The following PCDHA3 variants were observed in gnomAD, a reference collection of about 807,000 sequenced individuals.
PCDHA3 encodes protocadherin alpha-3.
Under a neutral mutation model 62.2 loss-of-function variants are expected in PCDHA3, and 41 were observed. The ratio of observed to expected loss-of-function variants is 0.66; its 90% CI spans 0.51 to 0.86. The LOEUF is 0.86. Ranked by LOEUF, PCDHA3 falls within the 40% of genes least tolerant of loss-of-function variation. The pLI, the probability that PCDHA3 is intolerant of heterozygous loss-of-function variation, is 0.00. For synonymous variants in PCDHA3, 640 were observed against 555.4 expected (o/e 1.15, Z -2.14); for missense variants, 1,304 against 1,241.2 (o/e 1.05, Z -0.76).
intron 3 of PCDHA3, among the ~76,000 whole-genome samples, chr5:141,004,826 G>A (rs2098183640): frequency 6.6e-6 from 1 of 152,112 alleles, no homozygotes; most frequent in East Asian, 1.9e-4. Flanking sequence ...GATTAACTTA[G>A]ATAGATCAAA....
At chr5:140,967,547 A>G (rs1554229662) in intron 1 of PCDHA3, 1 of 1,613,890 alleles carries the variant, frequency 6.2e-7, no homozygotes, top group Non-Finnish European at 8.5e-7. Context: ...TGACCAGTCC[A>G]CTTATCGCGT....
At chr5:140,874,958 A>G (rs2055195313) in intron 1 of PCDHA3, among the ~76,000 whole-genome samples, 1 of 152,242 alleles carries the variant, frequency 6.6e-6, no homozygotes, top group South Asian at 2.1e-4. Flanking sequence ...TGTAAGCTAT[A>G]TAAGGGGAGG....
At chr5:140,856,568 A>T (rs1554148862) in intron 1 of PCDHA3, 2 of 1,597,928 alleles carry the variant, frequency 1.3e-6, no homozygotes, top group Middle Eastern at 3.3e-4. Flanking sequence ...ACTCAGTCCA[A>T]ATGAGTATTT....
chr5:140,990,136 A>C (rs996616541), intron 3 of PCDHA3, among the ~76,000 whole-genome samples: 1 of 152,198 alleles, frequency 6.6e-6, no homozygotes, highest in African/African-American at 2.4e-5. Context: ...GTCAGACTCA[A>C]GAGGCATAAT....
At chr5:140,988,600 T>C (rs962869761) in intron 3 of PCDHA3, among the ~76,000 whole-genome samples, 15 of 152,214 alleles carry the variant, frequency 9.9e-5, no homozygotes, top group Non-Finnish European at 1.8e-4. Context: ...AATGGTCATG[T>C]AAATAAAAGA....
chr5:140,821,982 C>A (rs2150112541), intron 1 of PCDHA3: 12 of 1,614,108 alleles, frequency 7.4e-6, no homozygotes, highest in South Asian at 3.3e-5. Flanking sequence ...CGTCCAAGGG[C>A]CGCGGGGACC....
At chr5:140,819,582 A>G (rs2150104654) in intron 1 of PCDHA3, among the ~76,000 whole-genome samples, 14 of 152,284 alleles carry the variant, frequency 9.2e-5, no homozygotes, top group African/African-American at 2.9e-4. Context: ...AAGATTTTTT[A>G]AAATGTTCTT....
At chr5:140,897,008 T>C (rs1215081415) in intron 1 of PCDHA3, among the ~76,000 whole-genome samples, 13 of 152,154 alleles carry the variant, frequency 8.5e-5, no homozygotes, top group Admixed American at 1.3e-4. Flanking sequence ...TATTTTTAAA[T>C]ATACAACTAA....
chr5:140,968,899 A>T (rs782594245), intron 1 of PCDHA3: 7 of 1,614,130 alleles, frequency 4.3e-6, no homozygotes, highest in Non-Finnish European at 5.1e-6. Flanking sequence ...TAATAATAGC[A>T]TTAAGCACAG....
intron 1 of PCDHA3, chr5:140,875,861 C>T (rs2055878739): frequency 6.2e-7 from 1 of 1,614,020 alleles, no homozygotes; most frequent in Non-Finnish European, 8.5e-7. Context: ...AACGACAACC[C>T]GCCGGTGTTC....
At chr5:140,870,605 G>A (rs1445292626) in intron 1 of PCDHA3, 2 of 1,613,248 alleles carry the variant, frequency 1.2e-6, no homozygotes, top group Non-Finnish European at 1.7e-6. Flanking sequence ...TTGGGCGACC[G>A]CGCGCTGTCG....
chr5:140,858,114 T>C, intron 1 of PCDHA3: 1 of 1,597,256 alleles, frequency 6.3e-7, no homozygotes, highest in Non-Finnish European at 8.6e-7. Flanking sequence ...GCGCCCGAGG[T>C]GGCCCTGGTG....
intron 3 of PCDHA3, among the ~76,000 whole-genome samples, chr5:140,996,686 T>G (rs1447702915): frequency 2.6e-5 from 4 of 152,214 alleles, no homozygotes; most frequent in Non-Finnish European, 5.9e-5. Flanking sequence ...TGGGCTAGTA[T>G]TCTTCTGAAC....
chr5:140,814,233 T>C (rs115891865), intron 1 of PCDHA3: 340 of 152,654 alleles, frequency 2.2e-3, no homozygotes, highest in Non-Finnish European at 4.0e-3. Context: ...TTTGTTGTTG[T>C]TGTTAAAAAT....
At chr5:140,852,242 C>T (rs1581273178) in intron 1 of PCDHA3, 1 of 575,754 alleles carries the variant, frequency 1.7e-6, no homozygotes, top group East Asian at 1.4e-4. Context: ...TCCCTTAAAA[C>T]ACACTTTTGG....
chr5:140,911,729 C>T (rs571299791), intron 1 of PCDHA3, among the ~76,000 whole-genome samples: 16 of 152,252 alleles, frequency 1.1e-4, no homozygotes, highest in South Asian at 4.2e-4. Flanking sequence ...GTAAACAGTT[C>T]GTGCCAAGGA....
At chr5:140,989,041 A>G (rs531223216) in intron 3 of PCDHA3, 1 of 152,340 alleles carries the variant, frequency 6.6e-6, no homozygotes, top group Admixed American at 6.5e-5. Flanking sequence ...GATTCCTTTA[A>G]TATGCCAGCT....
Position 140,871,114 on chromosome 5 carries a change from A to G in PCDHA3, c.2394+67523A>G, listed in dbSNP as rs1554165136. The G allele has an allele frequency of 1.9e-6, 3 of 1,613,090 alleles. No individual in the cohort carries two copies. The African/African-American group carries it at 4.0e-5, about 22-fold the overall frequency. On this transcript the variant is annotated intron_variant, in intron 1 of 3. Transcript: ENST00000522353. ...CACCGTGCTGGTGTCGTTGGTGGAGAGCGGACAGGCGCCAAAGGCCTCTTC... is the reference window on the plus strand; with the variant it reads ...CACCGTGCTGGTGTCGTTGGTGGAGGGCGGACAGGCGCCAAAGGCCTCTTC...
chr5:140,804,627 T>C (rs1420929191), intron 1 of PCDHA3: 1 of 153,368 alleles, frequency 6.5e-6, no homozygotes, highest in Non-Finnish European at 1.5e-5. Flanking sequence ...TTAACTTCTC[T>C]GAATAGCATC....
Sources: allele counts gnomAD v4.1 joint callset (sites outside exome capture counted in the v4.1 genomes callset), GRCh38; gene constraint gnomAD v4.1.1; transcripts MANE v1.5; gene names NCBI Gene and HGNC (gene_info 2026-07-23, HGNC 2026-07-21).